NARS2: variants seen among roughly 807,000 people sequenced by gnomAD.
NARS2 encodes the protein asparaginyl-tRNA synthetase.
NARS2 carries 60 observed loss-of-function variants against 62.9 expected under a neutral mutation model. That is an observed-to-expected ratio of 0.95 (90% CI 0.77 to 1.18). The LOEUF is 1.18. Among genes scored for constraint, NARS2 ranks in the 50% most tolerant of loss-of-function variants. The pLI, the probability that NARS2 is intolerant of heterozygous loss-of-function variation, is 0.00. For synonymous variants in NARS2, 196 were observed against 200.0 expected, an observed-to-expected ratio of 0.98 and a Z score of 0.17; for missense variants, 619 against 576.4, an observed-to-expected ratio of 1.07 and a Z score of -0.76.
At chr11:78,541,792 A>G (rs1855630892) in intron 5 of NARS2, among the ~76,000 whole-genome samples, 1 of 152,218 alleles carries the variant, frequency 6.6e-6, no homozygotes, top group Non-Finnish European at 1.5e-5. Context: ...TGGTAGTTTC[A>G]TGATCCCTAT....
intron 11 of NARS2, among the ~76,000 whole-genome samples, chr11:78,452,759 A>G (rs778793940): frequency 1.3e-5 from 2 of 152,164 alleles, no homozygotes; most frequent in Non-Finnish European, 2.9e-5. Context: ...CCTCCAAATA[A>G]TTCAGCCTTC....
intron 6 of NARS2, among the ~76,000 whole-genome samples, chr11:78,512,163 G>A (rs1054626712): frequency 4.6e-5 from 7 of 152,166 alleles, no homozygotes; most frequent in African/African-American, 1.7e-4. Flanking sequence ...TTCAAACTCT[G>A]ACAGTTAATT....
rs1157052191 is a variant in NARS2, at chr11:78,566,637, T to G, written c.373-365A>C. 3.3e-4 allele frequency among the ~76,000 whole-genome samples: 50 copies of G among 152,210 alleles called. 2 individuals carry two copies. Among genetic ancestry groups the G allele is most frequent in the Admixed American group, 3.2e-3 (49 of 15,278 alleles). ...CTGTTTGGCACACAGGAGTTCAAAA[T>G]ATTGTAGATATTAAAGATGTACACA... On this transcript the variant is annotated intron_variant, in intron 3 of 13. Transcript: ENST00000281038.
chr11:78,449,133 G>GTTTT (rs201937471), intron 11 of NARS2, among the ~76,000 whole-genome samples: 27 of 100,042 alleles, frequency 2.7e-4, no homozygotes, highest in African/African-American at 3.8e-4. Flanking sequence ...CCTAAAAAAT[G>GTTTT]TTTTTTTTTT....
intron 5 of NARS2, chr11:78,546,666 C>T (rs1336221981): frequency 6.6e-6 from 1 of 152,194 alleles, no homozygotes; most frequent in Non-Finnish European, 1.5e-5. Context: ...CAATAATTCA[C>T]TATATCCCCT....
chr11:78,485,142 A>C (rs1386417825), intron 7 of NARS2, among the ~76,000 whole-genome samples: 1 of 152,164 alleles, frequency 6.6e-6, no homozygotes, highest in East Asian at 1.9e-4. Context: ...GGAACAGAAA[A>C]CCAAACACTG....
At chr11:78,460,434 C>T (rs1031206445) in intron 11 of NARS2, among the ~76,000 whole-genome samples, 1 of 151,762 alleles carries the variant, frequency 6.6e-6, no homozygotes, top group Non-Finnish European at 1.5e-5. Flanking sequence ...AAAACTCACA[C>T]TAAAATGGGA....
chr11:78,511,794 T>C (rs1211389510), intron 6 of NARS2, among the ~76,000 whole-genome samples: 2 of 152,320 alleles, frequency 1.3e-5, no homozygotes, highest in East Asian at 1.9e-4. Context: ...AATGGGTTCA[T>C]TTTTATTATA....
intron 4 of NARS2, among the ~76,000 whole-genome samples, chr11:78,564,391 A>G (rs2135529505): frequency 6.6e-6 from 1 of 151,670 alleles, no homozygotes; most frequent in South Asian, 2.1e-4. Context: ...AAGTCTCACT[A>G]TGTTGCCTAG....
chr11:78,482,676 C>T (rs1329120616), intron 7 of NARS2, among the ~76,000 whole-genome samples: 1 of 152,140 alleles, frequency 6.6e-6, no homozygotes, highest in Non-Finnish European at 1.5e-5. Flanking sequence ...TATACGCCCT[C>T]CCAAGACTAA....
At position 78,532,963 on chromosome 11, in the gene NARS2, A is replaced by G. The variant is rs141879683; in HGVS notation, c.595-4027T>C. On this transcript the variant is annotated intron_variant, in intron 5 of 13. Transcript: ENST00000281038. ...TTCTCCACTTCTCAGCAATGACCCAACTACTCTGGAGTCTTGTTTTTTCTG... is the reference window on the plus strand; with the variant it reads ...TTCTCCACTTCTCAGCAATGACCCAGCTACTCTGGAGTCTTGTTTTTTCTG... Among the ~76,000 whole-genome samples, 52 of 152,216 alleles carry G rather than the reference A, an allele frequency of 3.4e-4. No homozygotes were observed. In the East Asian group the frequency reaches 7.9e-3, roughly 23 times the overall value.
chr11:78,483,992 C>T (rs189004839), intron 7 of NARS2, among the ~76,000 whole-genome samples: 2 of 152,268 alleles, frequency 1.3e-5, no homozygotes, highest in Non-Finnish European at 2.9e-5. Context: ...TCAAACTATA[C>T]TACAAGGCTA....
intron 5 of NARS2, among the ~76,000 whole-genome samples, chr11:78,544,844 G>T (rs1855792959): frequency 6.6e-6 from 1 of 151,264 alleles, no homozygotes. Flanking sequence ...GCTGCGCGTG[G>T]TGGTGGGCAC....
At chr11:78,460,397 G>A (rs1201953877) in intron 11 of NARS2, among the ~76,000 whole-genome samples, 2 of 151,796 alleles carry the variant, frequency 1.3e-5, no homozygotes, top group African/African-American at 4.8e-5. Flanking sequence ...ATGAGCAACT[G>A]TGCCCAGCCA....
chr11:78,525,504 G>C (rs1240916086), intron 6 of NARS2, among the ~76,000 whole-genome samples: 3 of 151,996 alleles, frequency 2.0e-5, no homozygotes, highest in Non-Finnish European at 4.4e-5. Flanking sequence ...AAGCATCAAA[G>C]TAAATAACAC....
intron 5 of NARS2, among the ~76,000 whole-genome samples, chr11:78,539,651 C>A (rs1379179230): frequency 5.3e-5 from 8 of 152,104 alleles, no homozygotes; most frequent in African/African-American, 1.9e-4. Flanking sequence ...TACATAAAGC[C>A]TTGGAAGTGA....
chr11:78,450,815 C>T (rs535893198), intron 11 of NARS2, among the ~76,000 whole-genome samples: 1 of 151,954 alleles, frequency 6.6e-6, no homozygotes, highest in South Asian at 2.1e-4. Context: ...GCTGGTATTA[C>T]AGATGCATGC....
chr11:78,502,991 CAAAAAAAAA>C (rs550751384), intron 6 of NARS2, among the ~76,000 whole-genome samples: 2 of 82,950 alleles, frequency 2.4e-5, no homozygotes, highest in South Asian at 9.0e-4. Context: ...GAGACTGTCT[CAAAAAAAAA>C]AAAAAAAAAA....
At chr11:78,474,851 TA>T (rs1859019787) in intron 9 of NARS2, among the ~76,000 whole-genome samples, 1 of 152,224 alleles carries the variant, frequency 6.6e-6, no homozygotes, top group Admixed American at 6.5e-5. Flanking sequence ...TTTTTGGTAT[TA>T]TACACTGTGG....
Sources: allele counts gnomAD v4.1 joint callset (sites outside exome capture counted in the v4.1 genomes callset), GRCh38; gene constraint gnomAD v4.1.1; transcripts MANE v1.5; gene names NCBI Gene and HGNC (gene_info 2026-07-23, HGNC 2026-07-21).